Variants in SPACA7 observed in about 807,000 individuals in gnomAD.
SPACA7 encodes the protein sperm acrosome associated 7.
In SPACA7, 19 loss-of-function variants were observed where a neutral mutation model predicts 26.3. The observed-to-expected ratio is 0.72, with a 90% CI of 0.50 to 1.06. The LOEUF (loss-of-function observed/expected upper bound fraction) is 1.06. Among genes scored for constraint, SPACA7 ranks in the 50% least tolerant of loss-of-function variants. SPACA7 has a pLI of 0.00. For synonymous variants in SPACA7, 84 were observed against 84.5 expected (o/e 0.99, Z 0.04); for missense variants, 211 against 229.9 (o/e 0.92, Z 0.53).
intron 1 of SPACA7, among the ~76,000 whole-genome samples, chr13:112,379,607 A>T (rs1883915008): frequency 6.6e-6 from 1 of 152,242 alleles, no homozygotes; most frequent in South Asian, 2.1e-4. Context: ...CACTTATAAC[A>T]TATATGCATA....
chr13:112,400,340 A>G (rs530927865), intron 4 of SPACA7, among the ~76,000 whole-genome samples: 3 of 152,270 alleles, frequency 2.0e-5, no homozygotes, highest in Admixed American at 2.0e-4. Context: ...AATACCTCCA[A>G]ATTTGTCTGC....
At chr13:112,414,322 A>G (rs1886539061) in intron 5 of SPACA7, among the ~76,000 whole-genome samples, 1 of 125,180 alleles carries the variant, frequency 8.0e-6, no homozygotes, top group Non-Finnish European at 1.7e-5. Context: ...TATTATTGTT[A>G]TTATTGTTAT....
At chr13:112,425,258 T>C (rs1366988879) in intron 5 of SPACA7, among the ~76,000 whole-genome samples, 1 of 151,706 alleles carries the variant, frequency 6.6e-6, no homozygotes, top group African/African-American at 2.4e-5. Context: ...AGGGCATGAG[T>C]TGAAAAAAAA....
intron 5 of SPACA7, among the ~76,000 whole-genome samples, chr13:112,417,889 A>G (rs1160707772): frequency 6.6e-6 from 1 of 152,100 alleles, no homozygotes; most frequent in Non-Finnish European, 1.5e-5. Context: ...AATTTTTATT[A>G]TTTATTTTTT....
intron 2 of SPACA7, 23 bp downstream of exon 2, chr13:112,393,100 C>T (rs1220033975): frequency 6.2e-7 from 1 of 1,603,838 alleles, no homozygotes; most frequent in Admixed American, 1.7e-5. Context: ...CTCCTATCAA[C>T]CTCTGGCCTG....
At chr13:112,406,846 T>A (rs1886019646) in intron 5 of SPACA7, among the ~76,000 whole-genome samples, 1 of 152,202 alleles carries the variant, frequency 6.6e-6, no homozygotes, top group Admixed American at 6.5e-5. Flanking sequence ...GGAATTGAAC[T>A]CAGCTCTTCA....
chr13:112,381,149 C>T lies in SPACA7; in HGVS notation c.94+4670C>T, dbSNP rs538402131. On this transcript the variant is annotated intron_variant, in intron 1 of 6. Transcript: ENST00000283550. ...TCTTGTTTTACTTAACTGATCATGA[C>T]GCCAGGGTGATGAGTCACCAAAAAG... is the stretch of plus-strand genomic sequence containing the variant. 1.6e-3 allele frequency among the ~76,000 whole-genome samples: 238 copies of T among 152,162 alleles called. 2 individuals are homozygous for T. Among genetic ancestry groups the T allele is most frequent in the African/African-American group, 5.5e-3 (227 of 41,500 alleles).
At chr13:112,410,166 T>G (rs1439277294) in intron 5 of SPACA7, among the ~76,000 whole-genome samples, 1 of 151,614 alleles carries the variant, frequency 6.6e-6, no homozygotes, top group Non-Finnish European at 1.5e-5. Flanking sequence ...AATTGAACAA[T>G]GAGAACACTT....
At chr13:112,395,287 G>A (rs1885166705) in intron 2 of SPACA7, among the ~76,000 whole-genome samples, 3 of 152,214 alleles carry the variant, frequency 2.0e-5, no homozygotes, top group Non-Finnish European at 2.9e-5. Context: ...TGGAAGCGAG[G>A]ACAAAAGCCA....
chr13:112,405,572 G>A (rs1364039907), intron 5 of SPACA7, among the ~76,000 whole-genome samples: 1 of 152,036 alleles, frequency 6.6e-6, no homozygotes, highest in Non-Finnish European at 1.5e-5. Flanking sequence ...TTTGCTCATG[G>A]TTTCATAAAT....
intron 1 of SPACA7, among the ~76,000 whole-genome samples, chr13:112,380,668 C>T (rs986376326): frequency 3.9e-5 from 6 of 151,970 alleles, no homozygotes; most frequent in Non-Finnish European, 7.4e-5. Context: ...CCTGAAAAAA[C>T]AAATTTTAAA....
chr13:112,385,528 C>T (rs1269846578), intron 1 of SPACA7, among the ~76,000 whole-genome samples: 1 of 152,192 alleles, frequency 6.6e-6, no homozygotes, highest in African/African-American at 2.4e-5. Flanking sequence ...TAGCTAGCGG[C>T]ATGCCTCTCC....
chr13:112,382,988 T>C (rs114338226), intron 1 of SPACA7, among the ~76,000 whole-genome samples: 2,810 of 122,110 alleles, frequency 0.023, 123 homozygotes, highest in African/African-American at 0.088. Context: ...AAACTCCGTC[T>C]AAAAAGAGAG....
At chr13:112,413,443 C>T (rs1374865075) in intron 5 of SPACA7, among the ~76,000 whole-genome samples, 1 of 150,660 alleles carries the variant, frequency 6.6e-6, no homozygotes, top group Admixed American at 6.6e-5. Flanking sequence ...ACTGAGAAGT[C>T]TGCTGCCAGA....
intron 1 of SPACA7, among the ~76,000 whole-genome samples, chr13:112,388,157 AC>A (rs1884649491): frequency 1.3e-5 from 2 of 152,244 alleles, no homozygotes. Context: ...GATGAGATGG[AC>A]AGAAGGCCTT....
At chr13:112,412,696 C>T (rs1032877926) in intron 5 of SPACA7, among the ~76,000 whole-genome samples, 3 of 152,080 alleles carry the variant, frequency 2.0e-5, no homozygotes, top group African/African-American at 7.2e-5. Context: ...TTCCCAGAAC[C>T]ATTTATAAAG....
intron 5 of SPACA7, among the ~76,000 whole-genome samples, chr13:112,430,702 A>G (rs1271622011): frequency 2.0e-5 from 3 of 152,186 alleles, no homozygotes; most frequent in Non-Finnish European, 4.4e-5. Flanking sequence ...ACGCATGAAG[A>G]CTAAGTATTA....
intron 1 of SPACA7, among the ~76,000 whole-genome samples, chr13:112,383,058 A>G (rs7321653): frequency 0.017 from 818 of 49,526 alleles, 4 homozygotes; most frequent in African/African-American, 0.056. Context: ...GAAGGAAAGA[A>G]AGAGACAGAA....
At chr13:112,406,271 C>T (rs2138982637) in intron 5 of SPACA7, among the ~76,000 whole-genome samples, 1 of 152,292 alleles carries the variant, frequency 6.6e-6, no homozygotes, top group Non-Finnish European at 1.5e-5. Flanking sequence ...CCTCCAGGCT[C>T]TGGCAGCCAC....
Sources: gnomAD v4.1 joint callset for allele counts (sites outside exome capture counted in the v4.1 genomes callset) on GRCh38, gnomAD v4.1.1 for gene constraint, MANE v1.5 for transcripts, NCBI Gene and HGNC (gene_info 2026-07-23, HGNC 2026-07-21) for gene names.